The following TPO variants were observed in gnomAD, a reference collection of about 807,000 sequenced individuals.
TPO encodes thyroid peroxidase.
In TPO, 78 loss-of-function variants were observed where a neutral mutation model predicts 96.9. The observed-to-expected ratio is 0.81, with a 90% CI of 0.67 to 0.97. TPO has a LOEUF of 0.97. Ranked by LOEUF, TPO falls within the 50% of genes least tolerant of loss-of-function variation. TPO has a pLI of 0.00. For missense variants in TPO, 1,252 were observed against 1,274.8 expected (o/e 0.98, Z 0.27); for synonymous variants, 547 against 538.0 (o/e 1.02, Z -0.23).
intron 1 of TPO, 137 bp downstream of exon 1, chr2:1,413,682 C>A (rs1363580595): frequency 1.0e-6 from 1 of 985,326 alleles, no homozygotes; most frequent in Non-Finnish European, 1.2e-6. Context: ...AGCTGACTGA[C>A]TGACTGATGA....
At chr2:1,421,800 G>A (rs1019577140) in intron 2 of TPO, among the ~76,000 whole-genome samples, 15 of 152,060 alleles carry the variant, frequency 9.9e-5, no homozygotes, top group African/African-American at 3.1e-4. Flanking sequence ...ATCCTGCGAC[G>A]CCCAGGCCGC....
chr2:1,487,726 G>A (rs994869917), intron 9 of TPO, 95 bp from the exon 10 acceptor site: 5 of 1,505,232 alleles, frequency 3.3e-6, no homozygotes, highest in East Asian at 4.8e-5. Flanking sequence ...CAGAAAGAAT[G>A]AGACTCCGTC....
intron 7 of TPO, among the ~76,000 whole-genome samples, chr2:1,461,675 C>A (rs1216405541): frequency 1.3e-5 from 2 of 152,110 alleles, no homozygotes; most frequent in African/African-American, 4.8e-5. Context: ...CGCCCTTGTG[C>A]ACACACACGC....
chr2:1,422,251 G>A (rs1378596732), intron 2 of TPO, among the ~76,000 whole-genome samples: 2 of 52,588 alleles, frequency 3.8e-5, no homozygotes, highest in Non-Finnish European at 7.2e-5. Flanking sequence ...CTCCTTGGGT[G>A]GGGACGAGCA....
At position 1,393,188 on chromosome 2, in the gene TPO, G is replaced by A. The variant is rs75605759; in HGVS notation, n.180+18786G>A. ...TAGCGGAAGGCAGAGGGAGCGAGGC[G>A]TCTCACAAGGTGGGAGCAGGAGGAA... is the stretch of plus-strand genomic sequence containing the variant. On this transcript the variant is annotated intron_variant and non_coding_transcript_variant, in intron 1 of 5. Coordinates refer to the TPO transcript ENST00000497517. Among the ~76,000 whole-genome samples, 283 of 152,288 alleles carry A rather than the reference G, an allele frequency of 1.9e-3. 2 individuals carry two copies. Among genetic ancestry groups the A allele is most frequent in the African/African-American group, 6.4e-3 (267 of 41,564 alleles).
intron 1 of TPO, among the ~76,000 whole-genome samples, chr2:1,393,222 A>T (rs1376310034): frequency 6.6e-6 from 1 of 152,078 alleles, no homozygotes; most frequent in Non-Finnish European, 1.5e-5. Flanking sequence ...AAGAGAGGAG[A>T]GGAGAGGGAG....
chr2:1,542,586 CG>C lies in TPO; in HGVS notation c.*115del, dbSNP rs1680887370. ...CAGCAGGACGACTGTTTTCCCAACA[CG>C]GGTAAATCTAGTACCATGTCGTAGT... On this transcript the variant is annotated 3_prime_UTR_variant, in exon 17 of 17. Transcript: ENST00000329066. 6.4e-7 allele frequency: 1 copy of C among 1,565,224 alleles called. No homozygotes were observed. Among genetic ancestry groups the C allele is most frequent in the South Asian group, 1.2e-5 (1 of 85,246 alleles).
At chr2:1,379,195 C>T (rs937059663) in intron 1 of TPO, among the ~76,000 whole-genome samples, 8 of 152,086 alleles carry the variant, frequency 5.3e-5, no homozygotes, top group African/African-American at 1.9e-4. Flanking sequence ...GTCCCAGCTA[C>T]TCAGGAAACT....
chr2:1,377,338 A>G lies in TPO; in HGVS notation n.180+2936A>G, dbSNP rs576402182. On this transcript the variant is annotated intron_variant and non_coding_transcript_variant, in intron 1 of 5. Coordinates refer to the TPO transcript ENST00000497517. The stretch of plus-strand genomic sequence containing the variant: ...TAGATTTCAAAAGCCCTACAAGGAT[A>G]ATACAGGGAGCCATGGCCCTTTTGT... Among the ~76,000 whole-genome samples, 11 of 152,340 alleles carry G rather than the reference A, an allele frequency of 7.2e-5. 1 individual carries two copies. The highest frequency in any genetic ancestry group is 3.4e-3 in the Middle Eastern group (1 of 294).
At chr2:1,522,960 C>A (rs1448691674) in intron 15 of TPO, among the ~76,000 whole-genome samples, 2 of 150,640 alleles carry the variant, frequency 1.3e-5, no homozygotes, top group Non-Finnish European at 3.0e-5. Flanking sequence ...CAAATTCCCC[C>A]CACTGTGTGC....
chr2:1,399,023 C>T (rs1046659787), intron 1 of TPO, among the ~76,000 whole-genome samples: 3 of 152,246 alleles, frequency 2.0e-5, no homozygotes, highest in African/African-American at 4.8e-5. Context: ...AGGAACCAGA[C>T]CAGAGACATT....
chr2:1,484,700 G>A lies in TPO; in HGVS notation c.1443G>A (p.Val481=), dbSNP rs377537666. 7.4e-6 allele frequency: 12 copies of A among 1,614,012 alleles called. No individual in the cohort carries two copies. The highest frequency in any genetic ancestry group is 1.0e-5 in the Non-Finnish European group (12 of 1,180,042). The part of the protein sequence containing the change: ...EGYDSTANPT[V]SNVFSTAAFR... ...ATGACTCCACCGCCAACCCCACTGTGTCCAACGTGTTCTCCACAGCCGCCT... is the reference window on the plus strand; with the variant it reads ...ATGACTCCACCGCCAACCCCACTGTATCCAACGTGTTCTCCACAGCCGCCT... Residue 481 remains valine, a synonymous_variant, in exon 9 of 17, where the codon GTG becomes GTA. Coordinates refer to ENST00000329066, the MANE Select transcript of TPO (RefSeq NM_001206744.2).
At chr2:1,453,084 C>T (rs1324968937) in intron 5 of TPO, among the ~76,000 whole-genome samples, 1 of 151,266 alleles carries the variant, frequency 6.6e-6, no homozygotes, top group East Asian at 1.9e-4. Flanking sequence ...ATACAACTGA[C>T]TCTCTCTCTC....
At chr2:1,433,747 C>T in intron 4 of TPO, 140 bp downstream of exon 4, 1 of 973,194 alleles carries the variant, frequency 1.0e-6, no homozygotes, top group Non-Finnish European at 1.5e-6. Context: ...TCAAAGCATA[C>T]AAGCTGCAAT....
intron 15 of TPO, among the ~76,000 whole-genome samples, chr2:1,518,523 C>T (rs1416550843): frequency 1.3e-5 from 2 of 152,240 alleles, no homozygotes; most frequent in Middle Eastern, 3.2e-3. Flanking sequence ...GCCAGTTCCC[C>T]ATTTCAGTTA....
chr2:1,409,823 TACAC>T (rs963881959), upstream of TPO, among the ~76,000 whole-genome samples: 1 of 151,472 alleles, frequency 6.6e-6, no homozygotes, highest in African/African-American at 2.4e-5. Context: ...CACGTGCACA[TACAC>T]ACACAAGCCA....
At chr2:1,442,662 C>T (rs145359803) in intron 5 of TPO, among the ~76,000 whole-genome samples, 4 of 152,274 alleles carry the variant, frequency 2.6e-5, no homozygotes, top group Non-Finnish European at 4.4e-5. Context: ...AAATAGAAGA[C>T]GAAATTCCAG....
chr2:1,437,837 G>GC (rs34950864), intron 5 of TPO, among the ~76,000 whole-genome samples: 80,467 of 142,756 alleles, frequency 0.56, 22,995 homozygotes, highest in East Asian at 0.67. Context: ...CTGAAGCCTG[G>GC]GGGGGGGTCT....
At position 1,413,893 on chromosome 2, in the gene TPO, C is replaced by G. The variant is rs28909987; in HGVS notation, c.-2+348C>G. Among the ~76,000 whole-genome samples, 1,034 of 152,290 alleles carry G rather than the reference C, an allele frequency of 6.8e-3. 13 individuals carry two copies. The highest frequency in any genetic ancestry group is 0.023 in the African/African-American group (937 of 41,576). On this transcript the variant is annotated intron_variant, in intron 1 of 16. Transcript: ENST00000329066. ...AAAGTAGAAATGATGAATTTTGAAT[C>G]TTCTGTTTTGTCTTAACAACTAGAA...
Sources: allele counts gnomAD v4.1 joint callset (sites outside exome capture counted in the v4.1 genomes callset), GRCh38; gene constraint gnomAD v4.1.1; transcripts MANE v1.5; gene names NCBI Gene and HGNC (gene_info 2026-07-23, HGNC 2026-07-21).